NLK: variants seen among roughly 807,000 people sequenced by gnomAD.
The protein encoded by NLK is serine/threonine-protein kinase NLK.
Under a neutral mutation model 59.0 loss-of-function variants are expected in NLK, and 11 were observed. The ratio of observed to expected loss-of-function variants is 0.19; its 90% CI spans 0.12 to 0.31. The LOEUF is 0.31. Ranked by LOEUF, NLK falls within the 10% of genes least tolerant of loss-of-function variation. The probability of loss-of-function intolerance (pLI) is 1.00; values close to 1 mark genes in which losing one functional copy is unlikely to be tolerated. For synonymous variants in NLK, 235 were observed against 235.9 expected (o/e 1.00, Z 0.03); for missense variants, 410 against 661.1 (o/e 0.62, Z 4.16).
At chr17:28,082,028 G>A (rs957648039) in intron 1 of NLK, among the ~76,000 whole-genome samples, 16 of 152,116 alleles carry the variant, frequency 1.1e-4, no homozygotes, top group Admixed American at 2.0e-4. Context: ...CGAGTAGCTC[G>A]GATTACAGGG....
At chr17:28,068,095 G>A (rs981252064) in intron 1 of NLK, among the ~76,000 whole-genome samples, 1 of 150,482 alleles carries the variant, frequency 6.6e-6, no homozygotes, top group Non-Finnish European at 1.5e-5. Flanking sequence ...AAGCCGAGAG[G>A]GAGCCACCAC....
chr17:28,099,186 C>T (rs1904812562), intron 1 of NLK, among the ~76,000 whole-genome samples: 1 of 152,076 alleles, frequency 6.6e-6, no homozygotes, highest in South Asian at 2.1e-4. Flanking sequence ...AAAATAATAT[C>T]TCAGTTTCAA....
At chr17:28,139,393 A>G (rs990542687) in intron 3 of NLK, among the ~76,000 whole-genome samples, 3 of 152,200 alleles carry the variant, frequency 2.0e-5, no homozygotes, top group Admixed American at 2.0e-4. Flanking sequence ...TCACTTACCC[A>G]CTATCACTGA....
At chr17:28,075,849 G>C (rs534130722) in intron 1 of NLK, among the ~76,000 whole-genome samples, 33 of 151,836 alleles carry the variant, frequency 2.2e-4, no homozygotes, top group South Asian at 8.3e-4. Context: ...ATCTTACACT[G>C]TATGCTTCTG....
At chr17:28,202,525 AT>A in the NLK span, among the ~76,000 whole-genome samples, 1 of 151,728 alleles carries the variant, frequency 6.6e-6, no homozygotes, top group Non-Finnish European at 1.5e-5. Flanking sequence ...ATCTGTGTTC[AT>A]GAGAGATATT....
intron 1 of NLK, among the ~76,000 whole-genome samples, chr17:28,065,887 A>G (rs571094095): frequency 2.6e-5 from 4 of 152,148 alleles, no homozygotes; most frequent in African/African-American, 4.8e-5. Context: ...CTGCTCACAC[A>G]GCTATTTCTA....
downstream of NLK, among the ~76,000 whole-genome samples, chr17:28,201,208 G>A (rs1490859103): frequency 6.6e-6 from 1 of 151,964 alleles, no homozygotes; most frequent in Non-Finnish European, 1.5e-5. Context: ...AGCCTCCCGA[G>A]CAGCTGGGAT....
intron 1 of NLK, among the ~76,000 whole-genome samples, chr17:28,074,767 G>A (rs1194642447): frequency 1.3e-5 from 2 of 152,112 alleles, no homozygotes; most frequent in African/African-American, 2.4e-5. Context: ...AAAGGGAGGT[G>A]AGAAGAATTC....
At chr17:28,132,543 A>T (rs1320912738) in intron 2 of NLK, 77 bp from the exon 3 acceptor site, 1 of 1,026,508 alleles carries the variant, frequency 9.7e-7, no homozygotes, top group Non-Finnish European at 1.5e-6. Context: ...AAGAGTTGTT[A>T]GTATTTACTT....
At chr17:28,059,411 T>C (rs188614527) in intron 1 of NLK, among the ~76,000 whole-genome samples, 45 of 152,274 alleles carry the variant, frequency 3.0e-4, no homozygotes, top group African/African-American at 1.1e-3. Context: ...TATACTGTTT[T>C]CTATAATCTA....
At chr17:28,185,098 AC>A (rs1909064442) in intron 7 of NLK, 80 bp from the exon 8 acceptor site, 4 of 732,518 alleles carry the variant, frequency 5.5e-6, no homozygotes, top group Middle Eastern at 4.9e-4. Context: ...CTGAGTACTT[AC>A]CTTATCATAA....
downstream of NLK, among the ~76,000 whole-genome samples, chr17:28,197,191 G>A (rs1440982163): frequency 2.6e-5 from 4 of 151,904 alleles, no homozygotes; most frequent in Admixed American, 1.3e-4. Flanking sequence ...AATTCTGACC[G>A]GGCATGGTGG....
In NLK at chr17:28,043,060, C is replaced by T. The variant is rs137866267; in HGVS notation, c.187C>T (p.Pro63Ser). The T allele has an allele frequency of 1.9e-6, 3 of 1,564,636 alleles. No homozygotes were observed. The highest frequency in any genetic ancestry group is 2.6e-6 in the Non-Finnish European group (3 of 1,153,906). Residue 63 changes from proline to serine, a missense_variant, in exon 1 of 11, where the codon CCT becomes TCT. Pro to Ser is a moderately conservative substitution (Grantham distance 74, BLOSUM62 -1). This residue lies in a region of NLK where 160 missense variants were observed against 171.0 expected (regional missense o/e 0.94). Transcript: ENST00000407008. ...LHPGSAAAVHPVQQHTSSAAA... is the reference protein window; with the variant it reads ...LHPGSAAAVHSVQQHTSSAAA... Reference sequence around the variant, plus strand: ...TCCGGGGTCGGCTGCCGCTGTACACCCTGTACAGCAGCACACCTCTTCGGC... The same window carrying T: ...TCCGGGGTCGGCTGCCGCTGTACACTCTGTACAGCAGCACACCTCTTCGGC...
intron 2 of NLK, among the ~76,000 whole-genome samples, chr17:28,125,680 A>C (rs919482176): frequency 3.3e-5 from 5 of 152,098 alleles, no homozygotes; most frequent in Non-Finnish European, 5.9e-5. Context: ...CATAACTACT[A>C]TGTGTGGAAT....
At chr17:28,173,007 C>T (rs950371888) in intron 7 of NLK, among the ~76,000 whole-genome samples, 1 of 152,154 alleles carries the variant, frequency 6.6e-6, no homozygotes, top group South Asian at 2.1e-4. Flanking sequence ...CCAGCCAGGA[C>T]TGTGAAGCTG....
At chr17:28,136,427 A>C (rs746858589) in intron 3 of NLK, among the ~76,000 whole-genome samples, 2 of 152,220 alleles carry the variant, frequency 1.3e-5, no homozygotes, top group Non-Finnish European at 2.9e-5. Context: ...TATAGCAGCC[A>C]CAGGATTATA....
At chr17:28,077,411 G>A (rs983547335) in intron 1 of NLK, among the ~76,000 whole-genome samples, 1 of 151,862 alleles carries the variant, frequency 6.6e-6, no homozygotes, top group African/African-American at 2.4e-5. Context: ...AACAGTATGG[G>A]GGAAACTGCC....
At chr17:28,085,835 G>A (rs1025061611) in intron 1 of NLK, among the ~76,000 whole-genome samples, 4 of 152,166 alleles carry the variant, frequency 2.6e-5, no homozygotes, top group Admixed American at 6.6e-5. Context: ...CATTTTGGCT[G>A]TTTAGATCTG....
At chr17:28,182,991 T>C (rs1908971638) in intron 7 of NLK, among the ~76,000 whole-genome samples, 1 of 152,220 alleles carries the variant, frequency 6.6e-6, no homozygotes, top group Non-Finnish European at 1.5e-5. Flanking sequence ...GAAAGGCTGC[T>C]CTAGTCTGAG....
Sources: allele counts gnomAD v4.1 joint callset (sites outside exome capture counted in the v4.1 genomes callset), GRCh38; gene constraint gnomAD v4.1.1; regional missense constraint gnomAD v4.1.1; transcripts MANE v1.5; gene names NCBI Gene and HGNC (gene_info 2026-07-23, HGNC 2026-07-21).